GLRB: variants seen among roughly 807,000 people sequenced by gnomAD.
GLRB encodes glycine receptor beta.
GLRB carries 33 observed loss-of-function variants against 54.2 expected under a neutral mutation model. That is an observed-to-expected ratio of 0.61 (90% CI 0.46 to 0.81). GLRB has a LOEUF of 0.81. Among genes scored for constraint, GLRB ranks in the 40% least tolerant of loss-of-function variants. The pLI is 0.00. For missense variants in GLRB, 572 were observed against 584.6 expected (o/e 0.98, Z 0.22); for synonymous variants, 209 against 208.2 (o/e 1.00, Z -0.03).
At chr4:157,091,040 A>C (rs1176908350) in intron 2 of GLRB, among the ~76,000 whole-genome samples, 1 of 152,138 alleles carries the variant, frequency 6.6e-6, no homozygotes, top group Non-Finnish European at 1.5e-5. Context: ...TGTTGCATGA[A>C]AATGGCTTTT....
rs1734894438 is a variant in GLRB, at chr4:157,098,490, G to T, written c.122+20344G>T. The stretch of plus-strand genomic sequence containing the variant: ...AGCTGCTGGGGAGTGGGATGAGCAG[G>T]TACCATGATGAGACAGTTTTTCTTT... On this transcript the variant is annotated intron_variant, in intron 2 of 9. Transcript: ENST00000264428. Among the ~76,000 whole-genome samples, 4 of 152,178 alleles carry T rather than the reference G, an allele frequency of 2.6e-5. No individual in the cohort carries two copies. In the South Asian group the frequency reaches 8.3e-4, roughly 32 times the overall value.
chr4:157,112,873 G>A (rs533533117), intron 2 of GLRB, among the ~76,000 whole-genome samples: 4 of 152,068 alleles, frequency 2.6e-5, no homozygotes, highest in Admixed American at 6.6e-5. Flanking sequence ...TTCCTGGAGG[G>A]GTGACCTTGA....
chr4:157,138,897 CA>C lies in GLRB; in HGVS notation c.704del (p.Lys235ArgfsTer28). Reference protein sequence around the residue: ...EKIALPQFDIKKEDIEYGNCT... With the variant: ...EKIALPQFDIXKEDIEYGNCT... ...AAATTGCCTTGCCTCAATTTGATAT[CA>C]AAAAGGAAGATATTGAATATGGTAA... is the stretch of plus-strand genomic sequence containing the variant. On this transcript the variant is annotated frameshift_variant, in exon 7 of 10. Transcript: ENST00000264428. LOFTEE classifies it high-confidence loss of function. 6.7e-7 allele frequency: 1 copy of C among 1,487,616 alleles called. No individual in the cohort carries two copies. The highest frequency in any genetic ancestry group is 9.4e-7 in the Non-Finnish European group (1 of 1,066,108). 92.2% of individuals were successfully genotyped at this position (1,487,616 alleles called of 1,614,324 possible).
At chr4:157,110,612 A>G (rs929295021) in intron 2 of GLRB, among the ~76,000 whole-genome samples, 5 of 151,992 alleles carry the variant, frequency 3.3e-5, no homozygotes, top group African/African-American at 1.2e-4. Flanking sequence ...AGTAATTCAT[A>G]TATTTCCATT....
chr4:157,167,152 A>C (rs1015624582), intron 9 of GLRB, among the ~76,000 whole-genome samples: 16 of 152,168 alleles, frequency 1.1e-4, no homozygotes, highest in Non-Finnish European at 1.9e-4. Flanking sequence ...GTAGCTTCAA[A>C]AGCATAATGA....
intron 9 of GLRB, among the ~76,000 whole-genome samples, chr4:157,162,280 C>A (rs61662503): frequency 0.022 from 3,287 of 152,224 alleles, 74 homozygotes; most frequent in African/African-American, 0.051. Flanking sequence ...GTTTGAACAT[C>A]CTCCTTTAGC....
intron 2 of GLRB, among the ~76,000 whole-genome samples, chr4:157,117,858 A>G (rs1047789171): frequency 2.6e-5 from 4 of 151,702 alleles, no homozygotes; most frequent in African/African-American, 9.7e-5. Flanking sequence ...AGTTGGTAAT[A>G]TACTCGTAGA....
intron 8 of GLRB, among the ~76,000 whole-genome samples, 162 bp from the exon 9 acceptor site, chr4:157,152,556 A>G (rs558822831): frequency 9.9e-4 from 151 of 152,312 alleles, no homozygotes; most frequent in Non-Finnish European, 1.0e-3. Flanking sequence ...CAGAAAAGGC[A>G]TGTACCTATT....
At chr4:157,093,821 A>G (rs1039680243) in intron 2 of GLRB, among the ~76,000 whole-genome samples, 2 of 152,002 alleles carry the variant, frequency 1.3e-5, no homozygotes, top group African/African-American at 4.8e-5. Flanking sequence ...ATAAAAAGCA[A>G]TAGAGTAGTT....
At chr4:157,104,826 T>C (rs1393577447) in intron 2 of GLRB, among the ~76,000 whole-genome samples, 1 of 152,010 alleles carries the variant, frequency 6.6e-6, no homozygotes, top group Admixed American at 6.6e-5. Context: ...TTCTAGATTA[T>C]CCAGTTTGTT....
intron 2 of GLRB, among the ~76,000 whole-genome samples, chr4:157,082,681 C>T (rs1734265570): frequency 6.6e-6 from 1 of 152,054 alleles, no homozygotes; most frequent in Non-Finnish European, 1.5e-5. Context: ...GTTTTGGCCT[C>T]ATCATAGTCA....
chr4:157,081,784 AT>A (rs1734231568), intron 2 of GLRB, among the ~76,000 whole-genome samples: 1 of 152,024 alleles, frequency 6.6e-6, no homozygotes, highest in African/African-American at 2.4e-5. Context: ...CTTACCGTGT[AT>A]TTTCCCAATA....
At chr4:157,109,994 A>G (rs1022723108) in intron 2 of GLRB, among the ~76,000 whole-genome samples, 13 of 151,982 alleles carry the variant, frequency 8.6e-5, no homozygotes, top group Non-Finnish European at 1.6e-4. Context: ...TTATGGAGGC[A>G]TCATCATAAA....
chr4:157,159,358 C>G (rs1433663344), intron 9 of GLRB, among the ~76,000 whole-genome samples: 1 of 152,058 alleles, frequency 6.6e-6, no homozygotes, highest in Non-Finnish European at 1.5e-5. Context: ...GCCAGAACTT[C>G]CAACACTATG....
intron 4 of GLRB, among the ~76,000 whole-genome samples, chr4:157,136,169 TCAA>T (rs1736391098): frequency 4.6e-5 from 7 of 152,182 alleles, no homozygotes. Context: ...TACCATCTAA[TCAA>T]CTGTAATAAT....
intron 2 of GLRB, among the ~76,000 whole-genome samples, chr4:157,079,450 G>T (rs528360540): frequency 1.3e-5 from 2 of 152,250 alleles, no homozygotes; most frequent in African/African-American, 4.8e-5. Flanking sequence ...TAAAATTCTG[G>T]AGAGAGTATC....
rs556036799 is a variant in GLRB at position 157,141,853 on chromosome 4, G to T, written c.752-1954G>T. Reference sequence around the variant, plus strand: ...CATAAAAGGGACACGATGGAAACTTGCTCCAAATTGCAGGACTCATGTGAA... The same window carrying T: ...CATAAAAGGGACACGATGGAAACTTTCTCCAAATTGCAGGACTCATGTGAA... On this transcript the variant is annotated intron_variant, in intron 7 of 9. Coordinates refer to ENST00000264428, the MANE Select transcript of GLRB (RefSeq NM_000824.5). 4.6e-5 allele frequency among the ~76,000 whole-genome samples: 7 copies of T among 152,198 alleles called. No individual in the cohort carries two copies. The East Asian group carries it at 1.3e-3, about 29-fold the overall frequency.
At chr4:157,096,577 G>A (rs188572347) in intron 2 of GLRB, among the ~76,000 whole-genome samples, 27 of 152,270 alleles carry the variant, frequency 1.8e-4, no homozygotes, top group Admixed American at 9.2e-4. Context: ...TTTATATTAC[G>A]AGGTGGCAGT....
chr4:157,161,842 GC>G (rs1012950197), intron 9 of GLRB, among the ~76,000 whole-genome samples: 4 of 152,196 alleles, frequency 2.6e-5, no homozygotes, highest in African/African-American at 9.6e-5. Context: ...TATCTTTGTG[GC>G]ATTCTCTGTA....
Sources: allele counts gnomAD v4.1 joint callset (sites outside exome capture counted in the v4.1 genomes callset), GRCh38; gene constraint gnomAD v4.1.1; transcripts MANE v1.5; gene names NCBI Gene and HGNC (gene_info 2026-07-23, HGNC 2026-07-21).